Variants in SERPINB6 observed in about 807,000 individuals in gnomAD.
SERPINB6 encodes the protein serpin family B member 6, also known as serpin B6.
In SERPINB6, 16 loss-of-function variants were observed where a neutral mutation model predicts 26.1. The observed-to-expected ratio is 0.61, with a 90% CI of 0.42 to 0.93. The LOEUF (loss-of-function observed/expected upper bound fraction) is 0.93. Among genes scored for constraint, SERPINB6 ranks in the 40% least tolerant of loss-of-function variants. The pLI is 0.00. For synonymous variants in SERPINB6, 174 were observed against 176.6 expected, an observed-to-expected ratio of 0.99 and a Z score of 0.11; for missense variants, 420 against 478.0, an observed-to-expected ratio of 0.88 and a Z score of 1.13.
At chr6:2,970,905 C>T (rs1772088468) in intron 1 of SERPINB6, 5 of 1,230,348 alleles carry the variant, frequency 4.1e-6, no homozygotes, top group Non-Finnish European at 4.1e-6. Flanking sequence ...GTCTGGGCGA[C>T]CTGAAAGTGC....
intron 4 of SERPINB6, 42 bp downstream of exon 4, chr6:2,954,550 T>A: frequency 7.0e-7 from 1 of 1,433,902 alleles, no homozygotes; most frequent in Non-Finnish European, 9.8e-7. Flanking sequence ...ATAAAATGGA[T>A]TAAGAGGTTA....
intron 1 of SERPINB6, 151 bp from the exon 2 acceptor site, chr6:2,959,493 C>A: frequency 1.3e-6 from 1 of 757,442 alleles, no homozygotes; most frequent in South Asian, 1.5e-5. Context: ...TAGGACCCTC[C>A]ACATTATTTT....
intron 1 of SERPINB6, among the ~76,000 whole-genome samples, chr6:2,961,715 C>T (rs1488514741): frequency 5.9e-5 from 9 of 152,036 alleles, no homozygotes; most frequent in African/African-American, 2.2e-4. Flanking sequence ...CCCAAGAGGG[C>T]TCAGCCCACG....
chr6:2,966,862 C>T, intron 1 of SERPINB6: 4 of 812,574 alleles, frequency 4.9e-6, no homozygotes, highest in Non-Finnish European at 5.9e-6. Flanking sequence ...GCTCGGTGGC[C>T]GAGGCTGGTC....
intron 1 of SERPINB6, chr6:2,959,643 T>G: frequency 2.3e-6 from 1 of 434,950 alleles, no homozygotes; most frequent in Non-Finnish European, 4.3e-6. Flanking sequence ...GTCTCTTCCT[T>G]GGGGTGGAAT....
chr6:2,963,136 A>T (rs9378350), intron 1 of SERPINB6, among the ~76,000 whole-genome samples: 3 of 151,964 alleles, frequency 2.0e-5, no homozygotes, highest in Non-Finnish European at 2.9e-5. Flanking sequence ...AAAATAATGG[A>T]GTAACTGGGC....
chr6:2,968,817 CTGGGAGCTTCACTGCAG>C (rs1250706956), intron 1 of SERPINB6: 2 of 1,231,472 alleles, frequency 1.6e-6, no homozygotes, highest in Non-Finnish European at 2.0e-6. Flanking sequence ...GACATGTCAG[CTGGGAGCTTCACTGCAG>C]TGTGCTCAAG....
intron 4 of SERPINB6, among the ~76,000 whole-genome samples, chr6:2,954,117 CAAAAA>C (rs540686090): frequency 3.0e-5 from 2 of 67,770 alleles, no homozygotes. Flanking sequence ...GACCTTGTCT[CAAAAA>C]AAAAAAAAAA....
rs1433192908 is a variant in SERPINB6 at position 2,955,724 on chromosome 6, G to A, written c.166-54C>T. On this transcript the variant is annotated intron_variant, in intron 2 of 6. Coordinates refer to ENST00000380539, the MANE Select transcript of SERPINB6 (RefSeq NM_004568.6). ...TCATTCCTGTATGCTCTGACTTCAG[G>A]AAATGGGGCAACCCCAAACTCAGCC... The A allele has an allele frequency of 4.4e-6, 7 of 1,600,276 alleles. No homozygotes were observed. In the Admixed American group the frequency reaches 1.2e-4, roughly 27 times the overall value.
chr6:2,959,984 C>T (rs1456383570), intron 1 of SERPINB6: 1 of 165,512 alleles, frequency 6.0e-6, no homozygotes, highest in Non-Finnish European at 1.3e-5. Context: ...TGCAACAAGC[C>T]AGGCCTTCCT....
chr6:2,956,922 T>C (rs1473190070), intron 2 of SERPINB6: 1 of 152,226 alleles, frequency 6.6e-6, no homozygotes, highest in African/African-American at 2.4e-5. Flanking sequence ...CCTGCACTGC[T>C]TCCTGGGAGC....
At chr6:2,957,540 T>C (rs3799203) in intron 2 of SERPINB6, 37,282 of 152,150 alleles carry the variant, frequency 0.25, 4,921 homozygotes, top group Non-Finnish European at 0.3. Flanking sequence ...CAGCATCTTA[T>C]AGACCATCTG....
At chr6:2,961,621 T>A (rs1322038747) in intron 1 of SERPINB6, among the ~76,000 whole-genome samples, 1 of 152,186 alleles carries the variant, frequency 6.6e-6, no homozygotes, top group African/African-American at 2.4e-5. Flanking sequence ...GCCTGTGAAG[T>A]CCGTGTCTCA....
At chr6:2,961,873 C>T (rs560226466) in intron 1 of SERPINB6, 6 of 985,034 alleles carry the variant, frequency 6.1e-6, no homozygotes, top group Non-Finnish European at 7.2e-6. Flanking sequence ...GTTTTCCCCT[C>T]AAATGCTGAA....
intron 5 of SERPINB6, among the ~76,000 whole-genome samples, chr6:2,952,606 G>A (rs1364900452): frequency 2.0e-5 from 3 of 152,242 alleles, no homozygotes; most frequent in African/African-American, 4.8e-5. Context: ...CACCAGCTAC[G>A]TGTCTGGCAC....
rs551440200 is a variant in SERPINB6, at chr6:2,959,389, C to G, written c.-10-47G>C. 8 of 1,595,444 alleles carry G rather than the reference C, an allele frequency of 5.0e-6. No individual in the cohort carries two copies. The South Asian group carries it at 8.8e-5, about 18-fold the overall frequency. ...GTATCACTTAAGCACAGCTTCCACG[C>G]GACTGCATCTCACGCGCCTTACCGA... On this transcript the variant is annotated intron_variant, in intron 1 of 6. Coordinates refer to ENST00000380539, the MANE Select transcript of SERPINB6 (RefSeq NM_004568.6).
intron 1 of SERPINB6, chr6:2,969,793 G>T: frequency 1.0e-6 from 1 of 981,416 alleles, no homozygotes; most frequent in Non-Finnish European, 1.2e-6. Flanking sequence ...TGTGTTGTGT[G>T]TGTATGTGTT....
At position 2,967,101 on chromosome 6, in the gene SERPINB6, T is replaced by C. The variant is rs558491596; in HGVS notation, c.-11+4432A>G. ...TGACACACACAGAAAATGATGTTTG[T>C]ATGTCACTTTGGGGCCAGGCTACTC... On this transcript the variant is annotated intron_variant, in intron 1 of 6. Transcript: ENST00000380539. This position sits in a 1 kb window ranked among gnomAD's most constrained non-coding sequence, Gnocchi z 4.3. The C allele has an allele frequency of 1.4e-5, 14 of 985,332 alleles. No individual in the cohort carries two copies. The highest frequency in any genetic ancestry group is 4.7e-5 in the South Asian group (1 of 21,284). The allele number at this position is 985,332 out of a possible 1,614,324, so 61.0% of individuals were successfully genotyped here.
rs151338024 is a variant in SERPINB6 at position 2,970,419 on chromosome 6, A to G, written c.-11+1114T>C. ...CCTGAAATGAGAACAAACGCCATCT[A>G]TGCTGATAACAGCAGTCACTGGTGT... On this transcript the variant is annotated intron_variant, in intron 1 of 6. Transcript: ENST00000380539. The G allele has an allele frequency of 3.9e-4, 413 of 1,046,016 alleles. 1 individual carries two copies. The African/African-American group carries it at 6.4e-3, about 16-fold the overall frequency. The allele number at this position is 1,046,016 out of a possible 1,614,324, so 64.8% of individuals were successfully genotyped here.
Sources: allele counts gnomAD v4.1 joint callset (sites outside exome capture counted in the v4.1 genomes callset), GRCh38; gene constraint gnomAD v4.1.1; non-coding constraint Gnocchi (gnomAD v3.1); transcripts MANE v1.5; gene names NCBI Gene and HGNC (gene_info 2026-07-23, HGNC 2026-07-21).